Variants in UHRF2 observed in about 807,000 individuals in gnomAD.
UHRF2 encodes the protein E3 ubiquitin-protein ligase UHRF2.
Under a neutral mutation model 96.8 loss-of-function variants are expected in UHRF2, and 23 were observed. The observed-to-expected ratio is 0.24, with a 90% CI of 0.17 to 0.34. The LOEUF (loss-of-function observed/expected upper bound fraction) is 0.34, where lower values mean the gene tolerates loss of function less well. UHRF2 is among the 10% of genes least tolerant of loss of function. The pLI is 1.00. For synonymous variants in UHRF2, 385 were observed against 332.6 expected, an observed-to-expected ratio of 1.16 and a Z score of -1.72; for missense variants, 685 against 981.5, an observed-to-expected ratio of 0.70 and a Z score of 4.04.
chr9:6,494,680 A>G (rs1168057018), intron 10 of UHRF2: 5 of 152,174 alleles, frequency 3.3e-5, no homozygotes, highest in African/African-American at 4.8e-5. Flanking sequence ...TTTTGTGAAC[A>G]TTTCATAAAG....
chr9:6,496,919 T>C (rs1825008916), intron 10 of UHRF2: 1 of 272,840 alleles, frequency 3.7e-6, no homozygotes, highest in Non-Finnish European at 6.8e-6. Flanking sequence ...GTATTTCTAG[T>C]TGTTTTCTAT....
At chr9:6,428,899 C>T (rs536209642) in intron 2 of UHRF2, among the ~76,000 whole-genome samples, 368 of 152,176 alleles carry the variant, frequency 2.4e-3, no homozygotes, top group Middle Eastern at 0.02. Flanking sequence ...TGTGGTGGCT[C>T]ATGCCTGTAA....
intron 4 of UHRF2, among the ~76,000 whole-genome samples, chr9:6,473,020 A>T (rs1823343173): frequency 6.6e-6 from 1 of 152,244 alleles, no homozygotes; most frequent in South Asian, 2.1e-4. Context: ...AACAGTAATC[A>T]ACCTAGTTGC....
chr9:6,452,480 A>T (rs1821931631), intron 3 of UHRF2, among the ~76,000 whole-genome samples: 1 of 152,224 alleles, frequency 6.6e-6, no homozygotes, highest in Admixed American at 6.5e-5. Context: ...TATTTTAAGT[A>T]GGTCTGTGTC....
intron 2 of UHRF2, among the ~76,000 whole-genome samples, chr9:6,425,391 C>T (rs886110160): frequency 2.6e-5 from 4 of 152,134 alleles, no homozygotes; most frequent in African/African-American, 9.7e-5. Context: ...GCTTCAGGTA[C>T]ATCTTGTATA....
chr9:6,425,833 G>A (rs2130739934), intron 2 of UHRF2, among the ~76,000 whole-genome samples: 1 of 152,064 alleles, frequency 6.6e-6, no homozygotes, highest in African/African-American at 2.4e-5. Context: ...GTGTGTCATT[G>A]CTTTTAGAGC....
chr9:6,453,110 AAT>A (rs1234559305), intron 3 of UHRF2, among the ~76,000 whole-genome samples: 2 of 152,200 alleles, frequency 1.3e-5, no homozygotes, highest in Non-Finnish European at 2.9e-5. Flanking sequence ...GTACAGATAG[AAT>A]ATATATAATC....
chr9:6,449,113 C>T (rs944892624), intron 3 of UHRF2, among the ~76,000 whole-genome samples: 1 of 152,092 alleles, frequency 6.6e-6, no homozygotes, highest in Admixed American at 6.5e-5. Flanking sequence ...ATTTGTGGCC[C>T]TAGAAACTGG....
At position 6,506,185 on chromosome 9, in the gene UHRF2, C is replaced by G; in HGVS notation, c.*6C>G. 6.2e-7 allele frequency: 1 copy of G among 1,613,830 alleles called. No individual in the cohort carries two copies. ...GCTACAGCAAAGGACGATGATCTGC[C>G]TGCTTTCACTGTGTTGTTCATGGTG... On this transcript the variant is annotated 3_prime_UTR_variant, in exon 16 of 16. Coordinates refer to ENST00000276893, the MANE Select transcript of UHRF2 (RefSeq NM_152896.3).
chr9:6,422,159 A>T (rs1819965956), intron 2 of UHRF2, among the ~76,000 whole-genome samples: 1 of 152,128 alleles, frequency 6.6e-6, no homozygotes, highest in South Asian at 2.1e-4. Context: ...ACTTGGTTCC[A>T]TTGGTCTGTT....
At chr9:6,472,225 C>G (rs1469641953) in intron 4 of UHRF2, among the ~76,000 whole-genome samples, 1 of 152,144 alleles carries the variant, frequency 6.6e-6, no homozygotes, top group Non-Finnish European at 1.5e-5. Flanking sequence ...GACTCTTTCT[C>G]CAAGAAATGT....
At chr9:6,504,398 A>G (rs992265337) in intron 14 of UHRF2, 195 bp from the exon 15 acceptor site, 3 of 391,290 alleles carry the variant, frequency 7.7e-6, no homozygotes, top group African/African-American at 2.1e-5. Flanking sequence ...TTTGGGATAC[A>G]TGTGAAATTT....
At chr9:6,416,057 CT>C (rs1819580187) in intron 1 of UHRF2, among the ~76,000 whole-genome samples, 1 of 151,954 alleles carries the variant, frequency 6.6e-6, no homozygotes, top group African/African-American at 2.4e-5. Flanking sequence ...ATTGACTCCA[CT>C]TTTTTTGTTG....
At chr9:6,420,213 G>A (rs1006081081) in intron 1 of UHRF2, among the ~76,000 whole-genome samples, 9 of 151,708 alleles carry the variant, frequency 5.9e-5, no homozygotes, top group African/African-American at 9.7e-5. Flanking sequence ...GTACCACCAC[G>A]CCCAGCTAAT....
At position 6,440,942 on chromosome 9, in the gene UHRF2, G is replaced by A. The variant is rs1385132660; in HGVS notation, c.644+6769G>A. Among the ~76,000 whole-genome samples, 14 of 152,130 alleles carry A rather than the reference G, an allele frequency of 9.2e-5. No homozygotes were observed. In the East Asian group the frequency reaches 2.7e-3, roughly 29 times the overall value. On this transcript the variant is annotated intron_variant, in intron 3 of 15. Transcript: ENST00000276893. ...TGTAATGATTCTAATCATTCCCTGT[G>A]ATTCTATTTCATTCCCTGTGATTCC...
intron 3 of UHRF2, among the ~76,000 whole-genome samples, chr9:6,458,920 A>G (rs1175161299): frequency 3.9e-5 from 6 of 152,234 alleles, no homozygotes; most frequent in African/African-American, 1.4e-4. Flanking sequence ...CTTTGCAGGG[A>G]CATAGATCAA....
At chr9:6,498,586 C>A (rs1453521476) in intron 12 of UHRF2, 1 of 154,768 alleles carries the variant, frequency 6.5e-6, no homozygotes, top group African/African-American at 2.4e-5. Flanking sequence ...TTTTCCTCAC[C>A]CCTTTTCTCT....
At chr9:6,502,116 A>T (rs1816321772) in intron 14 of UHRF2, among the ~76,000 whole-genome samples, 1 of 152,220 alleles carries the variant, frequency 6.6e-6, no homozygotes, top group Non-Finnish European at 1.5e-5. Context: ...AGAAAAAAAC[A>T]GGTGTTAGCC....
At chr9:6,495,914 TC>T (rs1196186729) in intron 10 of UHRF2, 1 of 152,156 alleles carries the variant, frequency 6.6e-6, no homozygotes, top group African/African-American at 2.4e-5. Flanking sequence ...CAATAGGTAT[TC>T]TGTAAGACGT....
Sources: allele counts gnomAD v4.1 joint callset (sites outside exome capture counted in the v4.1 genomes callset), GRCh38; gene constraint gnomAD v4.1.1; transcripts MANE v1.5; gene names NCBI Gene and HGNC (gene_info 2026-07-23, HGNC 2026-07-21).